The following LRMDA variants were observed in gnomAD, a reference collection of about 807,000 sequenced individuals.
LRMDA encodes the protein leucine-rich melanocyte differentiation-associated protein.
A neutral mutation model predicts 29.8 loss-of-function variants in LRMDA; 18 were observed. The observed-to-expected ratio is 0.60, with a 90% CI of 0.42 to 0.90. LRMDA has a LOEUF of 0.90. LRMDA is among the 40% of genes least tolerant of loss of function. LRMDA has a pLI of 0.00. For synonymous variants in LRMDA, 125 were observed against 109.4 expected (o/e 1.14, Z -0.89); for missense variants, 273 against 273.9 (o/e 1.00, Z 0.02).
At chr10:75,799,905 C>A (rs180827553) in intron 2 of LRMDA, among the ~76,000 whole-genome samples, 2 of 152,056 alleles carry the variant, frequency 1.3e-5, no homozygotes, top group Non-Finnish European at 2.9e-5. Context: ...ATTATTCTCA[C>A]CCCGATTACA....
At chr10:75,493,595 T>C (rs976552834) in intron 2 of LRMDA, among the ~76,000 whole-genome samples, 1 of 152,108 alleles carries the variant, frequency 6.6e-6, no homozygotes. Flanking sequence ...ATTCTCTTGG[T>C]TGAGATGGTT....
intron 6 of LRMDA, among the ~76,000 whole-genome samples, chr10:76,464,294 A>C (rs989453309): frequency 6.6e-6 from 1 of 152,006 alleles, no homozygotes; most frequent in African/African-American, 2.4e-5. Flanking sequence ...CCCGGAAGAG[A>C]GATGAGGATT....
chr10:76,268,692 G>T (rs1160193352), intron 5 of LRMDA, among the ~76,000 whole-genome samples: 1 of 152,194 alleles, frequency 6.6e-6, no homozygotes, highest in Non-Finnish European at 1.5e-5. Flanking sequence ...GAGCTCCTGA[G>T]CATTCTGCTT....
intron 2 of LRMDA, among the ~76,000 whole-genome samples, chr10:75,902,096 C>A (rs766966256): frequency 5.3e-5 from 8 of 152,130 alleles, no homozygotes; most frequent in Non-Finnish European, 8.8e-5. Context: ...ACATTCCCCC[C>A]ACAAGAGGCC....
chr10:75,531,469 C>T (rs1845477730), intron 2 of LRMDA, among the ~76,000 whole-genome samples: 1 of 152,166 alleles, frequency 6.6e-6, no homozygotes. Context: ...AACAGCCAGA[C>T]CCTCCCAACC....
intron 2 of LRMDA, among the ~76,000 whole-genome samples, chr10:75,524,627 A>G (rs753020115): frequency 1.3e-5 from 2 of 152,184 alleles, no homozygotes; most frequent in African/African-American, 4.8e-5. Context: ...TTCTCTGTGT[A>G]TATGGTGTCT....
At chr10:75,811,374 C>T (rs776477942) in intron 2 of LRMDA, among the ~76,000 whole-genome samples, 1 of 152,048 alleles carries the variant, frequency 6.6e-6, no homozygotes, top group African/African-American at 2.4e-5. Context: ...ATAAGTTAGG[C>T]TCCTCCTCTA....
intron 2 of LRMDA, among the ~76,000 whole-genome samples, chr10:75,858,284 G>A (rs370289648): frequency 6.6e-6 from 1 of 152,308 alleles, no homozygotes; most frequent in East Asian, 1.9e-4. Flanking sequence ...GATGCTGATA[G>A]CTTGCAGGAG....
intron 2 of LRMDA, among the ~76,000 whole-genome samples, chr10:75,661,966 T>C (rs1428619176): frequency 6.6e-6 from 1 of 152,194 alleles, no homozygotes; most frequent in Non-Finnish European, 1.5e-5. Context: ...GTGAAAGTAA[T>C]TTTGTTTCCC....
At chr10:76,379,161 T>TTG (rs57245101) in intron 6 of LRMDA, among the ~76,000 whole-genome samples, 14,517 of 137,756 alleles carry the variant, frequency 0.11, 904 homozygotes, top group African/African-American at 0.18. Flanking sequence ...CTGGCCTTCT[T>TTG]TGTGTGTGTG....
chr10:75,626,404 C>G (rs1176567567), intron 2 of LRMDA, among the ~76,000 whole-genome samples: 1 of 152,104 alleles, frequency 6.6e-6, no homozygotes, highest in Non-Finnish European at 1.5e-5. Context: ...TGTGCTCTAG[C>G]AGAGAACCTG....
At chr10:75,841,214 A>C (rs1844535405) in intron 2 of LRMDA, among the ~76,000 whole-genome samples, 1 of 152,218 alleles carries the variant, frequency 6.6e-6, no homozygotes, top group Non-Finnish European at 1.5e-5. Context: ...ACATATTTAC[A>C]TGTTGGATGT....
chr10:76,073,435 C>A (rs1848906389), intron 5 of LRMDA, among the ~76,000 whole-genome samples: 1 of 152,130 alleles, frequency 6.6e-6, no homozygotes, highest in African/African-American at 2.4e-5. Flanking sequence ...TATATTCTTT[C>A]TATGGACTGT....
At chr10:75,455,330 C>G (rs1002769338) in intron 2 of LRMDA, among the ~76,000 whole-genome samples, 1 of 152,180 alleles carries the variant, frequency 6.6e-6, no homozygotes, top group African/African-American at 2.4e-5. Context: ...CTTCAGGTAT[C>G]GAGAGACAGA....
intron 2 of LRMDA, among the ~76,000 whole-genome samples, chr10:75,546,695 GC>G (rs562391428): frequency 1.0e-3 from 159 of 152,246 alleles, no homozygotes; most frequent in Non-Finnish European, 2.0e-3. Context: ...TGGAGTTTCT[GC>G]CCCCAAGGGA....
chr10:75,458,371 C>T (rs1223913758), intron 2 of LRMDA, among the ~76,000 whole-genome samples: 1 of 152,104 alleles, frequency 6.6e-6, no homozygotes, highest in African/African-American at 2.4e-5. Flanking sequence ...CTGTAGATTG[C>T]AAAGTTATGG....
chr10:75,949,220 G>A (rs16932732), intron 2 of LRMDA, among the ~76,000 whole-genome samples: 6,575 of 152,220 alleles, frequency 0.043, 299 homozygotes, highest in African/African-American at 0.11. Flanking sequence ...GAAGCAGCTG[G>A]CCACTTGCAA....
At chr10:75,953,886 G>A (rs981142546) in intron 2 of LRMDA, among the ~76,000 whole-genome samples, 1 of 152,102 alleles carries the variant, frequency 6.6e-6, no homozygotes, top group African/African-American at 2.4e-5. Flanking sequence ...TGGAGTGGTG[G>A]ATCTTAAAAA....
Position 75,547,993 on chromosome 10 carries a change from C to A in LRMDA, c.131+109499C>A, listed in dbSNP as rs559134339. Among the ~76,000 whole-genome samples the A allele has an allele frequency of 2.0e-5, 3 of 152,122 alleles. No individual in the cohort carries two copies. In the East Asian group the frequency reaches 5.8e-4, roughly 29 times the overall value. ...CAAGAAGAGGGCTTATTTTATCAAG[C>A]GCTCTCCTAATTTGATTGTAAGGCT... On this transcript the variant is annotated intron_variant, in intron 2 of 6. Coordinates refer to ENST00000611255, the MANE Select transcript of LRMDA (RefSeq NM_001305581.2).
Sources: allele counts gnomAD v4.1 joint callset (sites outside exome capture counted in the v4.1 genomes callset), GRCh38; gene constraint gnomAD v4.1.1; transcripts MANE v1.5; gene names NCBI Gene and HGNC (gene_info 2026-07-23, HGNC 2026-07-21).